Variants in PTPRZ1 observed in about 807,000 individuals in gnomAD.
The protein encoded by PTPRZ1 is receptor-type tyrosine-protein phosphatase zeta.
In PTPRZ1, 82 loss-of-function variants were observed where a neutral mutation model predicts 214.1. That is an observed-to-expected ratio of 0.38 (90% CI 0.32 to 0.46). PTPRZ1 has a LOEUF of 0.46. PTPRZ1 is among the 20% of genes least tolerant of loss of function. PTPRZ1 has a pLI of 1.00. For missense variants in PTPRZ1, 2,603 were observed against 2,748.7 expected, an observed-to-expected ratio of 0.95 and a Z score of 1.19; for synonymous variants, 945 against 987.9, an observed-to-expected ratio of 0.96 and a Z score of 0.81.
At chr7:121,899,572 T>A (rs1187327488) in intron 1 of PTPRZ1, among the ~76,000 whole-genome samples, 1 of 152,146 alleles carries the variant, frequency 6.6e-6, no homozygotes. Context: ...ATCTCTCTCC[T>A]GAGAAAGCTT....
intron 2 of PTPRZ1, among the ~76,000 whole-genome samples, chr7:121,961,938 TG>T (rs1285480639): frequency 7.9e-5 from 12 of 152,224 alleles, no homozygotes; most frequent in Non-Finnish European, 5.9e-5. Context: ...AGTATTCTGC[TG>T]TCCTCTTTAT....
rs545307819 is a variant in PTPRZ1 at position 122,041,496 on chromosome 7, C to T, written c.5801+517C>T. Among the ~76,000 whole-genome samples, 39 of 148,032 alleles carry T rather than the reference C, an allele frequency of 2.6e-4. 2 individuals are homozygous for T. The South Asian group carries it at 8.2e-3, about 31-fold the overall frequency. ...TTTTTCATTTTCTTGAGTTTTAATA[C>T]ATTACATTGAATGTATTGTCAATTC... is the stretch of plus-strand genomic sequence containing the variant. On this transcript the variant is annotated intron_variant, in intron 21 of 29. Coordinates refer to ENST00000393386, the MANE Select transcript of PTPRZ1 (RefSeq NM_002851.3).
chr7:122,015,122 G>A (rs971419470), intron 12 of PTPRZ1, among the ~76,000 whole-genome samples: 3 of 152,130 alleles, frequency 2.0e-5, no homozygotes, highest in Non-Finnish European at 4.4e-5. Flanking sequence ...GGAAAGAAGA[G>A]GGAAGTTCAA....
At chr7:122,051,163 G>A (rs192269393) in intron 23 of PTPRZ1, among the ~76,000 whole-genome samples, 50 of 152,252 alleles carry the variant, frequency 3.3e-4, no homozygotes, top group Admixed American at 5.2e-4. Context: ...AGTGGAAGCC[G>A]TGAGGAAGAT....
chr7:121,909,022 T>C (rs1795196674), intron 1 of PTPRZ1: 1 of 484,700 alleles, frequency 2.1e-6, no homozygotes, highest in Non-Finnish European at 4.1e-6. Flanking sequence ...ATTAGATATA[T>C]GTGCTAATGT....
At position 121,968,039 on chromosome 7, in the gene PTPRZ1, A is replaced by G; in HGVS notation, c.213A>G (p.Thr71=). The G allele has an allele frequency of 6.3e-7, 1 of 1,595,534 alleles. No individual in the cohort carries two copies. Among genetic ancestry groups the G allele is most frequent in the Non-Finnish European group, 8.6e-7 (1 of 1,165,566 alleles). The change falls in exon 3 of 30, where the codon ACA becomes ACG. Residue 71 remains threonine, a synonymous_variant. Transcript: ENST00000393386. ...CTATCAATATTGATGAAGATCTTAC[A>G]CAAGTAAATGTGAATCTTAAGAAAC... ...QSPINIDEDL[T]QVNVNLKKLK...
chr7:121,996,428 TA>T lies in PTPRZ1; in HGVS notation c.976del (p.Thr326ProfsTer17). On this transcript the variant is annotated frameshift_variant, in exon 9 of 30. Coordinates refer to ENST00000393386, the MANE Select transcript of PTPRZ1 (RefSeq NM_002851.3). LOFTEE classifies it high-confidence loss of function. ...ATGTTCAGGCTGACCCAGAGAATTA[TA>T]CCAGCCTTCTTGTTACATGGGAAAG... ...ENVQADPENY[T>X]SLLVTWERPR... is the part of the protein sequence containing the mutation. The T allele has an allele frequency of 6.2e-7, 1 of 1,612,484 alleles. No homozygotes were observed. Among genetic ancestry groups the T allele is most frequent in the Non-Finnish European group, 8.5e-7 (1 of 1,178,976 alleles).
chr7:121,918,487 A>G (rs899950151), intron 1 of PTPRZ1, among the ~76,000 whole-genome samples: 1 of 152,160 alleles, frequency 6.6e-6, no homozygotes, highest in Non-Finnish European at 1.5e-5. Flanking sequence ...CAACTTGGCT[A>G]TTATTTCATA....
intron 1 of PTPRZ1, among the ~76,000 whole-genome samples, chr7:121,927,752 G>A (rs1470016013): frequency 1.3e-5 from 2 of 152,112 alleles, no homozygotes; most frequent in Non-Finnish European, 2.9e-5. Flanking sequence ...GATAAAACTT[G>A]GATTGTAAAC....
chr7:121,965,355 T>G (rs1797014692), intron 2 of PTPRZ1, among the ~76,000 whole-genome samples: 1 of 25,396 alleles, frequency 3.9e-5, no homozygotes, highest in South Asian at 1.7e-3. Flanking sequence ...GTTGTTGTGG[T>G]TTGTTTGTTT....
chr7:122,054,116 A>T, intron 26 of PTPRZ1, 78 bp downstream of exon 26: 1 of 1,489,074 alleles, frequency 6.7e-7, no homozygotes, highest in East Asian at 2.3e-5. Context: ...TCCAGCATAC[A>T]AACAAGCAAA....
At chr7:121,956,287 A>G (rs559021637) in intron 2 of PTPRZ1, among the ~76,000 whole-genome samples, 1 of 152,270 alleles carries the variant, frequency 6.6e-6, no homozygotes, top group South Asian at 2.1e-4. Flanking sequence ...CAGCTTTATT[A>G]AAGACACTTT....
intron 1 of PTPRZ1, among the ~76,000 whole-genome samples, chr7:121,892,475 A>G (rs2116221145): frequency 6.6e-6 from 1 of 151,798 alleles, no homozygotes; most frequent in Non-Finnish European, 1.5e-5. Flanking sequence ...GAGACACAGA[A>G]CTCTGACTAG....
chr7:121,898,857 A>G (rs1009772171), intron 1 of PTPRZ1, among the ~76,000 whole-genome samples: 1 of 152,186 alleles, frequency 6.6e-6, no homozygotes, highest in African/African-American at 2.4e-5. Flanking sequence ...AAAAAGCTAG[A>G]ACAGAGTGTG....
chr7:121,931,909 T>G (rs1795937096), intron 2 of PTPRZ1, among the ~76,000 whole-genome samples: 1 of 152,046 alleles, frequency 6.6e-6, no homozygotes, highest in South Asian at 2.1e-4. Context: ...ATAGACTCAT[T>G]AAAGCGTGGT....
chr7:121,880,067 A>G (rs1340682086), intron 1 of PTPRZ1, among the ~76,000 whole-genome samples: 1 of 152,210 alleles, frequency 6.6e-6, no homozygotes, highest in Admixed American at 6.5e-5. Flanking sequence ...GGGTCTTTGT[A>G]GTTAACAAAA....
rs769952792 is a variant in PTPRZ1 at position 122,061,151 on chromosome 7, C to G, written c.6879C>G (p.Thr2293=). 3.7e-6 allele frequency: 6 copies of G among 1,609,982 alleles called. No homozygotes were observed. The highest frequency in any genetic ancestry group is 1.7e-4 in the Middle Eastern group (1 of 6,054). The change falls in exon 30 of 30, where the codon ACC becomes ACG. Residue 2293 remains threonine (T), a synonymous_variant. Coordinates refer to ENST00000393386, the MANE Select transcript of PTPRZ1 (RefSeq NM_002851.3). ...CAAGGCAGGAAGAGAATCCATCCAC[C>G]TCTCTGGACAGTAATGGTGCAGCAT... The part of the protein sequence containing the change: ...VSTRQEENPS[T]SLDSNGAALP...
At chr7:122,049,022 G>C (rs955166941) in intron 23 of PTPRZ1, among the ~76,000 whole-genome samples, 4 of 151,792 alleles carry the variant, frequency 2.6e-5, no homozygotes, top group Non-Finnish European at 2.9e-5. Context: ...GAGTTTATAG[G>C]GTTTATTCCA....
At chr7:122,059,201 A>G (rs865966608) in intron 28 of PTPRZ1, among the ~76,000 whole-genome samples, 19 of 152,012 alleles carry the variant, frequency 1.2e-4, no homozygotes, top group African/African-American at 4.6e-4. Context: ...CACTTTGTAT[A>G]CTAAGTCGGT....
Sources: allele counts gnomAD v4.1 joint callset (sites outside exome capture counted in the v4.1 genomes callset), GRCh38; gene constraint gnomAD v4.1.1; transcripts MANE v1.5; gene names NCBI Gene and HGNC (gene_info 2026-07-23, HGNC 2026-07-21).